MANBA: variants seen among roughly 807,000 people sequenced by gnomAD.
The protein encoded by MANBA is mannosidase beta.
MANBA carries 83 observed loss-of-function variants against 111.1 expected under a neutral mutation model. The ratio of observed to expected loss-of-function variants is 0.75; its 90% confidence interval spans 0.63 to 0.90. MANBA has a LOEUF of 0.90. Among genes scored for constraint, MANBA ranks in the 40% least tolerant of loss-of-function variants. MANBA has a pLI of 0.00. For missense variants in MANBA, 1,036 were observed against 1,069.0 expected, an observed-to-expected ratio of 0.97 and a Z score of 0.43; for synonymous variants, 370 against 378.7, an observed-to-expected ratio of 0.98 and a Z score of 0.27.
chr4:102,747,682 G>A (rs572914568), intron 1 of MANBA, among the ~76,000 whole-genome samples: 37 of 152,248 alleles, frequency 2.4e-4, no homozygotes, highest in South Asian at 1.9e-3. Flanking sequence ...CCCAGCCCAC[G>A]AGTCTGGCAA....
chr4:102,669,385 A>G (rs1033764031), intron 9 of MANBA, among the ~76,000 whole-genome samples: 1 of 152,218 alleles, frequency 6.6e-6, no homozygotes, highest in Non-Finnish European at 1.5e-5. Flanking sequence ...AATTCATTCC[A>G]ATTTTCACCA....
intron 16 of MANBA, 50 bp downstream of exon 16, chr4:102,634,738 G>A (rs762740134): frequency 1.1e-5 from 18 of 1,611,062 alleles, no homozygotes; most frequent in Non-Finnish European, 1.5e-5. Flanking sequence ...AAGAGCAGGA[G>A]AACCCCACAA....
intron 5 of MANBA, among the ~76,000 whole-genome samples, chr4:102,711,522 G>A (rs763925219): frequency 7.2e-5 from 11 of 152,160 alleles, no homozygotes; most frequent in African/African-American, 2.4e-4. Context: ...GAATATGAGT[G>A]AGTACAGCCA....
At chr4:102,653,112 G>A (rs1033055930) in intron 12 of MANBA, among the ~76,000 whole-genome samples, 5 of 152,084 alleles carry the variant, frequency 3.3e-5, no homozygotes, top group African/African-American at 1.2e-4. Flanking sequence ...AAGGTAAATA[G>A]TTTACATTTC....
intron 5 of MANBA, among the ~76,000 whole-genome samples, chr4:102,706,300 C>T (rs770384826): frequency 6.6e-5 from 10 of 152,226 alleles, no homozygotes; most frequent in Non-Finnish European, 1.5e-4. Flanking sequence ...ACAGCCTCCA[C>T]TAACAACTAT....
intron 5 of MANBA, among the ~76,000 whole-genome samples, chr4:102,709,840 A>G (rs1331280816): frequency 6.6e-6 from 1 of 152,204 alleles, no homozygotes; most frequent in Non-Finnish European, 1.5e-5. Flanking sequence ...TATCCCAGGG[A>G]TGCAAGGATC....
At chr4:102,666,381 G>A (rs1320865553) in intron 10 of MANBA, 1 of 152,212 alleles carries the variant, frequency 6.6e-6, no homozygotes, top group African/African-American at 2.4e-5. Flanking sequence ...TCCACTTTGT[G>A]AATAATCCAC....
chr4:102,648,698 T>C (rs1730204197), intron 13 of MANBA, among the ~76,000 whole-genome samples: 1 of 152,150 alleles, frequency 6.6e-6, no homozygotes, highest in African/African-American at 2.4e-5. Flanking sequence ...ACTGTACCCT[T>C]AAGATGTGTG....
intron 5 of MANBA, among the ~76,000 whole-genome samples, chr4:102,703,569 T>C (rs1733160164): frequency 6.6e-6 from 1 of 152,194 alleles, no homozygotes; most frequent in African/African-American, 2.4e-5. Context: ...CTCCTGGGGA[T>C]AACATCACTA....
At chr4:102,663,901 G>A (rs10489111) in intron 11 of MANBA, among the ~76,000 whole-genome samples, 2,509 of 152,264 alleles carry the variant, frequency 0.016, 67 homozygotes, top group African/African-American at 0.054. Context: ...TAGACAAACA[G>A]TGGTGCAAAG....
chr4:102,721,812 G>A lies in MANBA; in HGVS notation c.549+1059C>T, dbSNP rs537880122. Among the ~76,000 whole-genome samples, 3 of 152,164 alleles carry A rather than the reference G, an allele frequency of 2.0e-5. No homozygotes were observed. The South Asian group carries it at 6.2e-4, about 32-fold the overall frequency. ...GGAGGCCAAAGTGGGCAGATTGCTT[G>A]AGCCTTAGAGTTAGAGACCAGCCTG... On this transcript the variant is annotated intron_variant, in intron 4 of 16. Transcript: ENST00000647097.
At chr4:102,748,995 A>T (rs540487089) in intron 1 of MANBA, among the ~76,000 whole-genome samples, 26 of 151,896 alleles carry the variant, frequency 1.7e-4, no homozygotes, top group South Asian at 1.2e-3. Flanking sequence ...CTCTTTTTTT[A>T]AAAAAAAGAA....
chr4:102,749,840 T>C (rs146316912), intron 1 of MANBA, among the ~76,000 whole-genome samples: 1 of 152,350 alleles, frequency 6.6e-6, no homozygotes, highest in Admixed American at 6.5e-5. Flanking sequence ...TTAATACTTA[T>C]ACATGATAAG....
intron 13 of MANBA, among the ~76,000 whole-genome samples, chr4:102,645,353 TATC>T (rs1179990927): frequency 6.6e-6 from 1 of 152,098 alleles, no homozygotes; most frequent in Non-Finnish European, 1.5e-5. Context: ...CTGGTTTTGG[TATC>T]ACAGTAATGT....
intron 1 of MANBA, chr4:102,734,437 TC>T: frequency 6.2e-7 from 1 of 1,607,806 alleles, no homozygotes; most frequent in Non-Finnish European, 8.5e-7. Flanking sequence ...TACGGACTCT[TC>T]CTGGGAGCCA....
chr4:102,684,948 G>A (rs1484682530), intron 7 of MANBA, among the ~76,000 whole-genome samples: 2 of 152,130 alleles, frequency 1.3e-5, no homozygotes, highest in Non-Finnish European at 2.9e-5. Context: ...TTGACCATGG[G>A]TAACTGAAAC....
At chr4:102,760,089 TAC>T (rs35109830) in intron 1 of MANBA, among the ~76,000 whole-genome samples, 59 of 149,478 alleles carry the variant, frequency 3.9e-4, no homozygotes, top group South Asian at 8.4e-4. Context: ...TCCATTGGGA[TAC>T]ACACACACAC....
chr4:102,757,729 G>A (rs536035319), intron 1 of MANBA, among the ~76,000 whole-genome samples: 10 of 152,328 alleles, frequency 6.6e-5, no homozygotes, highest in South Asian at 2.1e-4. Flanking sequence ...CTCCTGCACT[G>A]TAGCCTTCAC....
At chr4:102,649,346 G>C (rs1456679948) in intron 13 of MANBA, among the ~76,000 whole-genome samples, 1 of 152,178 alleles carries the variant, frequency 6.6e-6, no homozygotes, top group Non-Finnish European at 1.5e-5. Context: ...TTCCAAAGTG[G>C]TTAAACAAAT....
Sources: allele counts gnomAD v4.1 joint callset (sites outside exome capture counted in the v4.1 genomes callset), GRCh38; gene constraint gnomAD v4.1.1; transcripts MANE v1.5; gene names NCBI Gene and HGNC (gene_info 2026-07-23, HGNC 2026-07-21).